The following PWP2 variants were observed in gnomAD, a reference collection of about 807,000 sequenced individuals.
The protein encoded by PWP2 is periodic tryptophan protein 2 homolog.
For synonymous variants in PWP2, 24 were observed against 45.4 expected (o/e 0.53, Z 1.89); for missense variants, 35 against 114.1 (o/e 0.31, Z 3.16).
Position 44,119,153 on chromosome 21 carries a change from G to A in PWP2, c.1052-234G>A, listed in dbSNP as rs1332521663. 3 of 197,004 alleles carry A rather than the reference G, an allele frequency of 1.5e-5. 1 individual carries two copies. Among genetic ancestry groups the A allele is most frequent in the Non-Finnish European group, 3.7e-5 (3 of 81,422 alleles). The allele number at this position is 197,004 out of a possible 1,614,324, so 12.2% of individuals were successfully genotyped here. A position where few individuals can be genotyped will look rare whatever the true frequency, so the allele number is the denominator to read the frequency against. On this transcript the variant is annotated intron_variant, in intron 9 of 20. Transcript: ENST00000291576. The stretch of plus-strand genomic sequence containing the variant: ...TAAGCCCCTTGCTCAGGGGTCGGGG[G>A]TCATAGCCTGCCTCAGTTGTGACCT...
At chr21:44,111,859 G>A (rs1222466879) in intron 2 of PWP2, among the ~76,000 whole-genome samples, 1 of 71,148 alleles carries the variant, frequency 1.4e-5, no homozygotes, top group African/African-American at 3.0e-5. Context: ...GATTACAGGC[G>A]CCTACCACCA....
rs371356526 is a variant in PWP2 at position 44,120,434 on chromosome 21, C to T, written c.1275C>T (p.Ala425=). The change falls in exon 11 of 21, where the codon GCC becomes GCT. Residue 425 remains alanine (A), a synonymous_variant. Coordinates refer to ENST00000291576, the MANE Select transcript of PWP2 (RefSeq NM_005049.3). The part of the protein sequence containing the change: ...SSGVTGVTFT[A]TGYVVVTSSM... ...GGGTGACCGGTGTGACCTTTACTGC[C>T]ACCGGCTACGTTGTGGTGACCTCAT... is the stretch of plus-strand genomic sequence containing the variant. 7.8e-6 allele frequency: 3 copies of T among 384,774 alleles called. 1 individual carries two copies. Among genetic ancestry groups the T allele is most frequent in the South Asian group, 6.4e-5 (3 of 46,818 alleles). The allele number at this position is 384,774 out of a possible 1,614,324, so 23.8% of individuals were successfully genotyped here.
intron 1 of PWP2, among the ~76,000 whole-genome samples, chr21:44,107,892 GCT>G (rs973652262): frequency 7.0e-5 from 3 of 43,084 alleles, no homozygotes; most frequent in African/African-American, 1.3e-4. Flanking sequence ...CCAGGTGTGA[GCT>G]CTGTTTCCCG....
intron 15 of PWP2, chr21:44,125,307 G>GT (rs2039308758): frequency 6.1e-5 from 1 of 16,282 alleles, no homozygotes; most frequent in African/African-American, 1.1e-4. Flanking sequence ...CACTGCTGTG[G>GT]ATGACCCTGC....
chr21:44,119,364 C>T lies in PWP2; in HGVS notation c.1052-23C>T. The T allele has an allele frequency of 3.5e-6, 2 of 569,212 alleles. 1 individual carries two copies. Among genetic ancestry groups the T allele is most frequent in the Non-Finnish European group, 5.4e-6 (2 of 370,064 alleles). 35.3% of individuals were successfully genotyped at this position (569,212 alleles called of 1,614,324 possible). A position where few individuals can be genotyped will look rare whatever the true frequency, so the allele number is the denominator to read the frequency against. On this transcript the variant is annotated intron_variant, in intron 9 of 20. Coordinates refer to ENST00000291576, the MANE Select transcript of PWP2 (RefSeq NM_005049.3). ...CCTGGGGTGGGCCTGAGCCGGGTAC[C>T]CCAGCTTCCCCCGTGTGCACAGGCC... is the stretch of plus-strand genomic sequence containing the variant.
chr21:44,128,756 C>A (rs1601877885), intron 20 of PWP2, 130 bp downstream of exon 20: 1 of 214,556 alleles, frequency 4.7e-6, no homozygotes, highest in African/African-American at 2.4e-5. Flanking sequence ...GTCTTCTCAC[C>A]TGCGGGTGAA....
intron 20 of PWP2, among the ~76,000 whole-genome samples, chr21:44,129,164 G>A (rs1241513860): frequency 1.5e-5 from 1 of 66,070 alleles, no homozygotes; most frequent in African/African-American, 3.3e-5. Flanking sequence ...TCATTTCTTT[G>A]TGGTTTGTGC....
intron 15 of PWP2, chr21:44,124,960 C>T (rs186263783): frequency 1.4e-4 from 13 of 91,084 alleles, no homozygotes; most frequent in African/African-American, 5.9e-4. Flanking sequence ...CATTTGGGAC[C>T]GGTTTCGTGG....
chr21:44,107,548 C>T, intron 1 of PWP2, 114 bp downstream of exon 1: 1 of 225,050 alleles, frequency 4.4e-6, no homozygotes, highest in Non-Finnish European at 8.8e-6. Flanking sequence ...GGCGTCTGGC[C>T]GCGTGGGGGT....
chr21:44,118,494 G>A (rs552155230), intron 8 of PWP2, among the ~76,000 whole-genome samples: 2 of 47,976 alleles, frequency 4.2e-5, no homozygotes, highest in South Asian at 6.2e-4. Context: ...TTGTCGAGAC[G>A]GGTCTTGCTG....
In PWP2 at chr21:44,111,861, C is replaced by T. The variant is rs753099887; in HGVS notation, c.132-1892C>T. On this transcript the variant is annotated intron_variant, in intron 2 of 20. Transcript: ENST00000291576. Reference sequence around the variant, plus strand: ...ACCAAGTAGCTGGGATTACAGGCGCCTACCACCACGCCCAGCTAATTTTTG... The same window carrying T: ...ACCAAGTAGCTGGGATTACAGGCGCTTACCACCACGCCCAGCTAATTTTTG... 8.4e-5 allele frequency among the ~76,000 whole-genome samples: 6 copies of T among 71,096 alleles called. 3 individuals carry two copies. Among genetic ancestry groups the T allele is most frequent in the Non-Finnish European group, 2.8e-4 (6 of 21,550 alleles). The allele number at this position is 71,096 out of a possible 152,430, so 46.6% of individuals were successfully genotyped here.
chr21:44,117,247 A>G (rs927964196), intron 7 of PWP2, among the ~76,000 whole-genome samples: 3 of 56,838 alleles, frequency 5.3e-5, no homozygotes, highest in African/African-American at 1.1e-4. Context: ...AGGCAGCTCC[A>G]GGAAGACAGT....
Position 44,121,040 on chromosome 21 carries a change from T to C in PWP2, c.1574T>C (p.Val525Ala). 3.1e-6 allele frequency: 2 copies of C among 638,106 alleles called. No individual in the cohort carries two copies. The highest frequency in any genetic ancestry group is 5.0e-6 in the Non-Finnish European group (2 of 400,190). The allele number at this position is 638,106 out of a possible 1,614,324, so 39.5% of individuals were successfully genotyped here. ...VLASASWDKT[V>A]RLWDMFDSWR... ...GCCAGTGCCTCCTGGGACAAGACAG[T>C]GCGCCTATGGGACATGTTTGACAGC... The change falls in exon 13 of 21, where the codon GTG (valine) becomes GCG (alanine). Residue 525 changes from valine to alanine, a missense_variant. Coordinates refer to ENST00000291576, the MANE Select transcript of PWP2 (RefSeq NM_005049.3).
At chr21:44,107,674 GTCCCGGGATATTT>G (rs1301771797) in intron 1 of PWP2, among the ~76,000 whole-genome samples, 1 of 61,494 alleles carries the variant, frequency 1.6e-5, no homozygotes, top group African/African-American at 3.2e-5. Flanking sequence ...ATTTGTCGGG[GTCCCGGGATATTT>G]TTAACCTGAG....
chr21:44,119,481 G>A lies in PWP2; in HGVS notation c.1146G>A (p.Ser382=), dbSNP rs143110108. 14 of 558,564 alleles carry A rather than the reference G, an allele frequency of 2.5e-5. No homozygotes were observed. The highest frequency in any genetic ancestry group is 2.2e-4 in the African/African-American group (13 of 59,578). 34.6% of individuals were successfully genotyped at this position (558,564 alleles called of 1,614,324 possible). ...ACAGCATGGTGGCCCTGGCCTACTC[G>A]CCCGACGGACAGTACATCGTGACTG... ...HFNSMVALAY[S]PDGQYIVTGG... Residue 382 remains serine (S), a synonymous_variant, in exon 10 of 21, where the codon TCG becomes TCA. Coordinates refer to ENST00000291576, the MANE Select transcript of PWP2 (RefSeq NM_005049.3).
At chr21:44,118,366 C>T (rs577015751) in intron 8 of PWP2, among the ~76,000 whole-genome samples, 1 of 16,966 alleles carries the variant, frequency 5.9e-5, no homozygotes, top group Non-Finnish European at 2.9e-4. Flanking sequence ...AGTGCGGTGG[C>T]GTAATTCGGT....
At position 44,114,175 on chromosome 21, in the gene PWP2, GC is replaced by G; in HGVS notation, c.227-3del. The G allele has an allele frequency of 2.1e-6, 1 of 478,018 alleles. No homozygotes were observed. Among genetic ancestry groups the G allele is most frequent in the Non-Finnish European group, 3.8e-6 (1 of 266,506 alleles). 29.6% of individuals were successfully genotyped at this position (478,018 alleles called of 1,614,324 possible). On this transcript the variant is annotated splice_polypyrimidine_tract_variant and splice_region_variant and intron_variant, in intron 3 of 20. Coordinates refer to ENST00000291576, the MANE Select transcript of PWP2 (RefSeq NM_005049.3). ...GCGCGGTGGTGACCTCTGGCGTCCT[GC>G]AGGGGGCGATGCGCTGCTGGTCAGC... is the stretch of plus-strand genomic sequence containing the variant.
chr21:44,119,480 C>T lies in PWP2; in HGVS notation c.1145C>T (p.Ser382Leu), dbSNP rs138472662. 1 of 556,760 alleles carries T rather than the reference C, an allele frequency of 1.8e-6. No homozygotes were observed. Among genetic ancestry groups the T allele is most frequent in the African/African-American group, 1.7e-5 (1 of 59,626 alleles). The allele number at this position is 556,760 out of a possible 1,614,324, so 34.5% of individuals were successfully genotyped here. ...AACAGCATGGTGGCCCTGGCCTACT[C>T]GCCCGACGGACAGTACATCGTGACT... ...HFNSMVALAY[S>L]PDGQYIVTGG... Residue 382 changes from serine to leucine, a missense_variant, in exon 10 of 21, where the codon TCG (serine) becomes TTG (leucine). Transcript: ENST00000291576.
At position 44,119,286 on chromosome 21, in the gene PWP2, C is replaced by T. The variant is rs564139382; in HGVS notation, c.1052-101C>T. The T allele has an allele frequency of 6.8e-5, 14 of 204,884 alleles. 4 individuals carry two copies. The East Asian group carries it at 7.7e-4, about 11-fold the overall frequency. The allele number at this position is 204,884 out of a possible 1,614,324, so 12.7% of individuals were successfully genotyped here. ...GGGTTTGTGCGTTTCACCCCCTGCC[C>T]GGCAGCTTTCTCAGTCCTGTGCCAA... On this transcript the variant is annotated intron_variant, in intron 9 of 20. Coordinates refer to ENST00000291576, the MANE Select transcript of PWP2 (RefSeq NM_005049.3).
Sources: allele counts gnomAD v4.1 joint callset (sites outside exome capture counted in the v4.1 genomes callset), GRCh38; gene constraint gnomAD v4.1.1; transcripts MANE v1.5; gene names NCBI Gene and HGNC (gene_info 2026-07-23, HGNC 2026-07-21).